Variants in SLC29A3 observed in about 807,000 individuals in gnomAD.
SLC29A3 encodes the protein equilibrative nucleoside transporter 3.
Under a neutral mutation model 25.4 loss-of-function variants are expected in SLC29A3, and 18 were observed. The observed-to-expected ratio is 0.71, with a 90% CI of 0.49 to 1.05. SLC29A3 has a LOEUF of 1.05. Among genes scored for constraint, SLC29A3 ranks in the 50% least tolerant of loss-of-function variants. The probability of loss-of-function intolerance (pLI) is 0.00; values close to 1 mark genes in which losing one functional copy is unlikely to be tolerated. For synonymous variants in SLC29A3, 258 were observed against 267.1 expected, an observed-to-expected ratio of 0.97 and a Z score of 0.33; for missense variants, 586 against 609.0, an observed-to-expected ratio of 0.96 and a Z score of 0.40.
At chr10:71,360,381 G>C (rs1847025466) in intron 5 of SLC29A3, among the ~76,000 whole-genome samples, 1 of 152,066 alleles carries the variant, frequency 6.6e-6, no homozygotes, top group Admixed American at 6.5e-5. Context: ...AACCTCAAGT[G>C]ACCCGCCCGC....
At chr10:71,361,287 T>C (rs1482910006) in intron 5 of SLC29A3, among the ~76,000 whole-genome samples, 3 of 152,144 alleles carry the variant, frequency 2.0e-5, no homozygotes, top group Non-Finnish European at 4.4e-5. Flanking sequence ...TATGGGCATA[T>C]ACCACCACAC....
At chr10:71,347,157 T>A (rs1167559644) in intron 3 of SLC29A3, among the ~76,000 whole-genome samples, 4 of 152,150 alleles carry the variant, frequency 2.6e-5, no homozygotes, top group African/African-American at 9.7e-5. Context: ...AGTCTCCTTT[T>A]CTCCCCTCCT....
chr10:71,323,113 A>T, intron 2 of SLC29A3, 59 bp downstream of exon 2: 1 of 1,592,740 alleles, frequency 6.3e-7, no homozygotes, highest in South Asian at 1.1e-5. Context: ...CATGCCTCAC[A>T]TGCAGGGGAA....
intron 1 of SLC29A3, 126 bp from the exon 2 acceptor site, chr10:71,322,630 G>T (rs781626126): frequency 9.8e-6 from 11 of 1,122,084 alleles, no homozygotes; most frequent in Non-Finnish European, 1.5e-5. Flanking sequence ...ACCAGGCTTT[G>T]GTGACTTTAC....
exon 5 of SLC29A3, chr10:71,381,215 G>A (rs940372845): frequency 1.3e-5 from 2 of 152,204 alleles, no homozygotes; most frequent in Non-Finnish European, 2.9e-5. Flanking sequence ...TGATGATGGT[G>A]TGTCAGTGCA....
Position 71,351,724 on chromosome 10 carries a change from C to T in SLC29A3, c.546C>T (p.Phe182=). 1 of 1,614,182 alleles carries T rather than the reference C, an allele frequency of 6.2e-7. No individual in the cohort carries two copies. Among genetic ancestry groups the T allele is most frequent in the Non-Finnish European group, 8.5e-7 (1 of 1,180,042 alleles). ...MVILSGASTV[F]SSSIYGMTGS... is the part of the protein sequence containing the mutation. Reference sequence around the variant, plus strand: ...TCCTCAGCGGTGCCTCCACTGTCTTCAGCAGCAGCATCTACGGCATGACCG... The same window carrying T: ...TCCTCAGCGGTGCCTCCACTGTCTTTAGCAGCAGCATCTACGGCATGACCG... The change falls in exon 4 of 6, where the codon TTC becomes TTT. Residue 182 remains phenylalanine (F), a synonymous_variant. Coordinates refer to ENST00000373189, the MANE Select transcript of SLC29A3 (RefSeq NM_018344.6).
chr10:71,323,824 G>T (rs1845907702), intron 2 of SLC29A3, among the ~76,000 whole-genome samples: 4 of 152,202 alleles, frequency 2.6e-5, no homozygotes, highest in African/African-American at 9.7e-5. Flanking sequence ...GAAGAAAAAG[G>T]CTGGGCAACG....
At chr10:71,357,143 G>A (rs373327012) in intron 5 of SLC29A3, among the ~76,000 whole-genome samples, 1 of 151,606 alleles carries the variant, frequency 6.6e-6, no homozygotes, top group African/African-American at 2.4e-5. Context: ...GGCCAGGCAC[G>A]GTGGCTCACG....
chr10:71,326,811 T>TCTC (rs1163017190), intron 2 of SLC29A3, among the ~76,000 whole-genome samples: 1 of 152,232 alleles, frequency 6.6e-6, no homozygotes, highest in Admixed American at 6.5e-5. Context: ...TGTAGTACCT[T>TCTC]CAGCTGCCCG....
chr10:71,334,126 A>T (rs762967585), intron 2 of SLC29A3, among the ~76,000 whole-genome samples: 17 of 152,182 alleles, frequency 1.1e-4, no homozygotes, highest in Non-Finnish European at 2.4e-4. Flanking sequence ...GGGTGACTTG[A>T]GACCATGTCC....
intron 2 of SLC29A3, among the ~76,000 whole-genome samples, chr10:71,343,725 A>G (rs1271006471): frequency 6.6e-6 from 1 of 152,176 alleles, no homozygotes; most frequent in Non-Finnish European, 1.5e-5. Context: ...AGGCGAGAGG[A>G]TCACTTGAGC....
intron 5 of SLC29A3, among the ~76,000 whole-genome samples, 163 bp from the exon 6 acceptor site, chr10:71,361,791 C>G (rs911552873): frequency 6.6e-6 from 1 of 152,176 alleles, no homozygotes; most frequent in African/African-American, 2.4e-5. Flanking sequence ...CTGGCCACCC[C>G]GTGACAGCAT....
At chr10:71,323,110 C>CA in intron 2 of SLC29A3, 56 bp downstream of exon 2, 1 of 1,595,146 alleles carries the variant, frequency 6.3e-7, no homozygotes. Context: ...CCTCATGCCT[C>CA]ACATGCAGGG....
intron 2 of SLC29A3, among the ~76,000 whole-genome samples, chr10:71,334,740 C>T (rs912104383): frequency 6.6e-6 from 1 of 152,172 alleles, no homozygotes; most frequent in Non-Finnish European, 1.5e-5. Flanking sequence ...ACACCCGGAC[C>T]TGCCTGGGCC....
At chr10:71,323,638 TGTA>T (rs1438395643) in intron 2 of SLC29A3, among the ~76,000 whole-genome samples, 1 of 152,200 alleles carries the variant, frequency 6.6e-6, no homozygotes, top group Non-Finnish European at 1.5e-5. Context: ...GGCTGGGAAA[TGTA>T]GTCTTTCAAT....
intron 3 of SLC29A3, among the ~76,000 whole-genome samples, chr10:71,368,783 CCTT>C (rs1847190009): frequency 6.6e-6 from 1 of 152,174 alleles, no homozygotes; most frequent in South Asian, 2.1e-4. Context: ...AGGTTTGAGT[CCTT>C]ACTACTTCCT....
intron 2 of SLC29A3, among the ~76,000 whole-genome samples, chr10:71,326,074 T>G (rs1225384709): frequency 4.0e-5 from 6 of 151,800 alleles, no homozygotes; most frequent in Non-Finnish European, 8.8e-5. Context: ...CACACCACCA[T>G]GCCTGACCAG....
chr10:71,350,702 A>T (rs973472392), intron 3 of SLC29A3, among the ~76,000 whole-genome samples: 1 of 152,152 alleles, frequency 6.6e-6, no homozygotes, highest in Non-Finnish European at 1.5e-5. Flanking sequence ...ATGATGACTG[A>T]GGCCATCACA....
At chr10:71,325,485 A>T (rs544543713) in intron 2 of SLC29A3, among the ~76,000 whole-genome samples, 1 of 152,320 alleles carries the variant, frequency 6.6e-6, no homozygotes, top group Admixed American at 6.5e-5. Flanking sequence ...TGACTGGATT[A>T]GCCTGAGCTG....
Sources: allele counts gnomAD v4.1 joint callset (sites outside exome capture counted in the v4.1 genomes callset), GRCh38; gene constraint gnomAD v4.1.1; transcripts MANE v1.5; gene names NCBI Gene and HGNC (gene_info 2026-07-23, HGNC 2026-07-21).